The following CCDC120 variants were observed in gnomAD, a reference collection of about 807,000 sequenced individuals.
CCDC120 encodes coiled-coil domain containing 120.
In CCDC120, 16 loss-of-function variants were observed where a neutral mutation model predicts 37.6. That is an observed-to-expected ratio of 0.43 (90% CI 0.29 to 0.65). The LOEUF (loss-of-function observed/expected upper bound fraction) is 0.65. Ranked by LOEUF, CCDC120 falls within the 30% of genes least tolerant of loss-of-function variation. The pLI, the probability that CCDC120 is intolerant of heterozygous loss-of-function variation, is 0.18. For synonymous variants in CCDC120, 309 were observed against 275.4 expected, an observed-to-expected ratio of 1.12 and a Z score of -1.21; for missense variants, 650 against 657.4, an observed-to-expected ratio of 0.99 and a Z score of 0.12.
At chrX:49,065,902 C>T (rs1557081090) in intron 9 of CCDC120, 57 bp downstream of exon 9, 24 of 1,036,646 alleles carry the variant, frequency 2.3e-5, no homozygotes, top group South Asian at 1.1e-4. Flanking sequence ...CATTAGTTCT[C>T]ACTGGAAGCT....
At chrX:49,053,828 C>G (rs2064814018) in exon 1 of CCDC120, 1 of 112,846 alleles carries the variant, frequency 8.9e-6, no homozygotes, top group Non-Finnish European at 1.9e-5. Flanking sequence ...TCCACTGCCC[C>G]GGCCGGCCGA....
At position 49,067,932 on chromosome X, in the gene CCDC120, G is replaced by A. The variant is rs1557082024; in HGVS notation, c.1818G>A (p.Ala606=). ...DWYIRNSGLA[A]GPQRRPVLPS... ...ACATCCGGAACTCGGGACTGGCTGC[G>A]GGGCCCCAGCGCCGGCCTGTGCTCC... is the stretch of plus-strand genomic sequence containing the variant. The change falls in exon 10 of 11, where the codon GCG becomes GCA. Residue 606 remains alanine, a synonymous_variant. Coordinates refer to ENST00000603986, the MANE Select transcript of CCDC120 (RefSeq NM_001163321.4). The A allele has an allele frequency of 4.4e-6, 5 of 1,147,222 alleles. No individual in the cohort carries two copies. Among genetic ancestry groups the A allele is most frequent in the Admixed American group, 2.6e-5 (1 of 37,935 alleles). 94.5% of individuals were successfully genotyped at this position (1,147,222 alleles called of 1,213,427 possible).
At position 49,063,853 on chromosome X, in the gene CCDC120, C is replaced by T. The variant is rs1557080141; in HGVS notation, c.289-8C>T. 9.2e-6 allele frequency: 11 copies of T among 1,196,921 alleles called. No individual in the cohort carries two copies. Among genetic ancestry groups the T allele is most frequent in the Admixed American group, 9.1e-5 (4 of 44,079 alleles). On this transcript the variant is annotated splice_polypyrimidine_tract_variant and splice_region_variant and intron_variant, in intron 4 of 10. Transcript: ENST00000603986. The stretch of plus-strand genomic sequence containing the variant: ...CCTTGGTAGTCTCTGACCCCTGCCT[C>T]CCACCAGGAGCTGACTGGCCAGCTG...
chrX:49,065,971 CCAGCACTT>C, intron 9 of CCDC120, 126 bp downstream of exon 9: 2 of 656,381 alleles, frequency 3.0e-6, no homozygotes, highest in Non-Finnish European at 2.2e-6. Context: ...GCTTGTAATC[CCAGCACTT>C]TCGGAGGCCG....
rs892421502 is a variant in CCDC120, at chrX:49,062,146, C to T, written c.63+42C>T. The T allele has an allele frequency of 8.6e-6, 10 of 1,163,078 alleles. No individual in the cohort carries two copies. The Admixed American group carries it at 1.6e-4, about 18-fold the overall frequency. ...CGTGGGGCCCAGGTTACCCCTTATT[C>T]CCCGCTGTGGCATGGGAAGCTGGGA... On this transcript the variant is annotated intron_variant, in intron 2 of 10. Transcript: ENST00000603986.
chrX:49,060,477 G>A (rs868991533), intron 1 of CCDC120, among the ~76,000 whole-genome samples: 2 of 102,158 alleles, frequency 2.0e-5, no homozygotes, highest in Non-Finnish European at 3.9e-5. Context: ...GCCCAGCATG[G>A]AATTGGGATT....
intron 5 of CCDC120, 109 bp from the exon 6 acceptor site, chrX:49,064,261 G>A: frequency 1.1e-5 from 10 of 898,826 alleles, no homozygotes; most frequent in Non-Finnish European, 1.5e-5. Flanking sequence ...CCCTCCCCGG[G>A]GTGAATAGGT....
intron 1 of CCDC120, among the ~76,000 whole-genome samples, chrX:49,060,528 T>C (rs925062133): frequency 9.6e-6 from 1 of 103,796 alleles, no homozygotes; most frequent in Non-Finnish European, 2.0e-5. Flanking sequence ...GTGGATGGAG[T>C]TGGGTTCCTG....
chrX:49,065,140 T>C (rs1156457575), intron 7 of CCDC120, 42 bp downstream of exon 7: 2 of 1,145,648 alleles, frequency 1.7e-6, no homozygotes, highest in African/African-American at 3.6e-5. Flanking sequence ...GACTCCTACG[T>C]CCCTTTAGCC....
chrX:49,068,918 C>T lies in CCDC120; in HGVS notation c.*260C>T, dbSNP rs1004591159. The T allele has an allele frequency of 1.6e-5, 4 of 257,731 alleles. No homozygotes were observed. Among genetic ancestry groups the T allele is most frequent in the Non-Finnish European group, 2.7e-5 (4 of 145,761 alleles). The allele number at this position is 257,731 out of a possible 1,213,427, so 21.2% of individuals were successfully genotyped here. A position where few individuals can be genotyped will look rare whatever the true frequency, so the allele number is the denominator to read the frequency against. Reference sequence around the variant, plus strand: ...ATGTCATGGGGACCCCAAGCCCCTTCCTCCATTTATGTTTACAGTTGTGAC... The same window carrying T: ...ATGTCATGGGGACCCCAAGCCCCTTTCTCCATTTATGTTTACAGTTGTGAC... On this transcript the variant is annotated 3_prime_UTR_variant, in exon 11 of 11. Coordinates refer to ENST00000603986, the MANE Select transcript of CCDC120 (RefSeq NM_001163321.4).
At position 49,064,303 on chromosome X, in the gene CCDC120, T is replaced by G. The variant is rs2064924540; in HGVS notation, c.430-67T>G. The G allele has an allele frequency of 5.6e-6, 6 of 1,067,580 alleles. No individual in the cohort carries two copies. In the East Asian group the frequency reaches 2.0e-4, roughly 35 times the overall value. 88.0% of individuals were successfully genotyped at this position (1,067,580 alleles called of 1,213,427 possible). A position where few individuals can be genotyped will look rare whatever the true frequency, so the allele number is the denominator to read the frequency against. On this transcript the variant is annotated intron_variant, in intron 5 of 10. Coordinates refer to ENST00000603986, the MANE Select transcript of CCDC120 (RefSeq NM_001163321.4). ...AGGCTGCAGGAAGTGCAGGCCAGCC[T>G]CTACTGGGTTTGGCCCCGCCAGGTC...
intron 3 of CCDC120, 65 bp from the exon 4 acceptor site, chrX:49,062,403 C>G (rs1557079700): frequency 8.3e-7 from 1 of 1,208,898 alleles, no homozygotes; most frequent in African/African-American, 1.7e-5. Context: ...GAGTTGGTCC[C>G]TTGCCCCACA....
chrX:49,056,424 C>T (rs1157407160), upstream of CCDC120, among the ~76,000 whole-genome samples: 1 of 109,274 alleles, frequency 9.2e-6, no homozygotes, highest in African/African-American at 3.3e-5. Flanking sequence ...GTCAGGAGTT[C>T]GAGCCCACCC....
chrX:49,069,730 T>G lies in CCDC120; in HGVS notation c.*1072T>G, dbSNP rs1388125646. 8.9e-6 allele frequency: 1 copy of G among 112,636 alleles called. No individual in the cohort carries two copies. Among genetic ancestry groups the G allele is most frequent in the Non-Finnish European group, 1.9e-5 (1 of 53,301 alleles). The allele number at this position is 112,636 out of a possible 1,213,427, so 9.3% of individuals were successfully genotyped here. A position where few individuals can be genotyped will look rare whatever the true frequency, so the allele number is the denominator to read the frequency against. On this transcript the variant is annotated 3_prime_UTR_variant, in exon 11 of 11. Coordinates refer to ENST00000603986, the MANE Select transcript of CCDC120 (RefSeq NM_001163321.4). ...TTTCTATGATACCTGTCTGTGATTT[T>G]CGGAGCTGGGGGTTCCCCTACCCCC...
rs781859728 is a variant in CCDC120, at chrX:49,062,251, A to G, written c.80A>G (p.Gln27Arg). The G allele has an allele frequency of 8.3e-7, 1 of 1,208,331 alleles. No individual in the cohort carries two copies. Among genetic ancestry groups the G allele is most frequent in the Non-Finnish European group, 1.1e-6 (1 of 894,377 alleles). The change falls in exon 3 of 11, where the codon CAG becomes CGG. Residue 27 changes from glutamine to arginine, a missense_variant. Gln to Arg is a conservative substitution (Grantham distance 43, BLOSUM62 1). Coordinates refer to ENST00000603986, the MANE Select transcript of CCDC120 (RefSeq NM_001163321.4). ...CACTGCCAGACTTTGTCCAGCCATCAGCCACGGCCTCTCGACAGCACCAAG... is the reference window on the plus strand; with the variant it reads ...CACTGCCAGACTTTGTCCAGCCATCGGCCACGGCCTCTCGACAGCACCAAG... ...TDSERTLSSHQPRPLDSTKME... is the reference protein window; with the variant it reads ...TDSERTLSSHRPRPLDSTKME...
Position 49,064,016 on chromosome X carries a change from G to A in CCDC120, c.429+15G>A. ...GCCCTGCTGAGGTGAGCAGATGGGTGTGGAGAGCAAGAGGGTGGGAAGAGG... is the reference window on the plus strand; with the variant it reads ...GCCCTGCTGAGGTGAGCAGATGGGTATGGAGAGCAAGAGGGTGGGAAGAGG... On this transcript the variant is annotated intron_variant, in intron 5 of 10. Transcript: ENST00000603986. 1 of 1,185,462 alleles carries A rather than the reference G, an allele frequency of 8.4e-7. No homozygotes were observed. Among genetic ancestry groups the A allele is most frequent in the South Asian group, 1.9e-5 (1 of 52,927 alleles).
Position 49,065,577 on chromosome X carries a change from A to G in CCDC120, c.911A>G (p.Asp304Gly). ...ACCCCATGGAAACCACCTCCATCAG[A>G]TCTTTATGGGGATCTGAAGAGCCGG... The part of the protein sequence containing the change: ...RRTPWKPPPS[D>G]LYGDLKSRRN... The change falls in exon 8 of 11, where the codon GAT (aspartate) becomes GGT (glycine). Residue 304 changes from aspartate (D) to glycine (G), a missense_variant. Physicochemically the swap from Asp to Gly is moderately conservative, Grantham distance 94. Around this residue, in one of 3 missense-constraint regions of CCDC120, gnomAD observed 576 missense variants for 565.3 expected, o/e 1.02. Coordinates refer to ENST00000603986, the MANE Select transcript of CCDC120 (RefSeq NM_001163321.4). 1 of 1,210,200 alleles carries G rather than the reference A, an allele frequency of 8.3e-7. No homozygotes were observed. The highest frequency in any genetic ancestry group is 1.1e-6 in the Non-Finnish European group (1 of 894,957).
At position 49,062,066 on chromosome X, in the gene CCDC120, G is replaced by A. The variant is rs2064891691; in HGVS notation, c.25G>A (p.Gly9Ser). The A allele has an allele frequency of 8.6e-7, 1 of 1,156,799 alleles. No individual in the cohort carries two copies. The part of the protein sequence containing the change: MRREPRYQ[G>S]QVGPDIHTDS... ...AATGCGAAGGGAACCAAGGTACCAG[G>A]GCCAAGTGGGTCCAGACATCCACAC... The change falls in exon 2 of 11, where the codon GGC becomes AGC. Residue 9 changes from glycine to serine, a missense_variant. Physicochemically the swap from Gly to Ser is moderately conservative, Grantham distance 56 (BLOSUM62 0). Transcript: ENST00000603986.
In CCDC120 at chrX:49,064,812, C is replaced by T. The variant is rs1051081413; in HGVS notation, c.724+148C>T. ...GAAGAGTTGTGACAAACTGGCTTAC[C>T]GGAAAGGACAAACTGTGGGGGACTG... On this transcript the variant is annotated intron_variant, in intron 6 of 10. Transcript: ENST00000603986. 6.6e-5 allele frequency: 50 copies of T among 752,068 alleles called. No individual in the cohort carries two copies. In the African/African-American group the frequency reaches 9.6e-4, roughly 14 times the overall value. 62.0% of individuals were successfully genotyped at this position (752,068 alleles called of 1,213,427 possible).
Sources: allele counts gnomAD v4.1 joint callset (sites outside exome capture counted in the v4.1 genomes callset), GRCh38; gene constraint gnomAD v4.1.1; regional missense constraint gnomAD v4.1.1; transcripts MANE v1.5; gene names NCBI Gene and HGNC (gene_info 2026-07-23, HGNC 2026-07-21).